Variants in R3HDM2 observed in about 807,000 individuals in gnomAD.
R3HDM2 encodes the protein R3H domain-containing protein 2.
A neutral mutation model predicts 124.5 loss-of-function variants in R3HDM2; 38 were observed. The ratio of observed to expected loss-of-function variants is 0.31; its 90% CI spans 0.24 to 0.40. The LOEUF is 0.40. Ranked by LOEUF, R3HDM2 falls within the 10% of genes least tolerant of loss-of-function variation. The pLI is 1.00. For synonymous variants in R3HDM2, 391 were observed against 448.0 expected, an observed-to-expected ratio of 0.87 and a Z score of 1.61; for missense variants, 869 against 1,236.9, an observed-to-expected ratio of 0.70 and a Z score of 4.46.
At chr12:57,305,243 A>G (rs2052309933) in intron 3 of R3HDM2, among the ~76,000 whole-genome samples, 1 of 152,150 alleles carries the variant, frequency 6.6e-6, no homozygotes, top group Non-Finnish European at 1.5e-5. Flanking sequence ...CTTGTTTTTA[A>G]ACTTTTTTTC....
At chr12:57,421,041 T>A (rs148859006) in intron 1 of R3HDM2, among the ~76,000 whole-genome samples, 1 of 152,036 alleles carries the variant, frequency 6.6e-6, no homozygotes, top group Admixed American at 6.6e-5. Context: ...CACCTTAGCA[T>A]GGAACCCAGA....
At chr12:57,286,772 G>C (rs1325767372) in intron 12 of R3HDM2, among the ~76,000 whole-genome samples, 1 of 152,220 alleles carries the variant, frequency 6.6e-6, no homozygotes, top group East Asian at 1.9e-4. Context: ...CAGCTACTCG[G>C]GAGGCTGAGG....
intron 2 of R3HDM2, among the ~76,000 whole-genome samples, chr12:57,346,933 T>C (rs2137115407): frequency 6.6e-6 from 1 of 152,134 alleles, no homozygotes; most frequent in South Asian, 2.1e-4. Context: ...AATGGTAAAA[T>C]ATCAATTCTA....
intron 2 of R3HDM2, among the ~76,000 whole-genome samples, chr12:57,320,846 G>A (rs2056335968): frequency 6.6e-6 from 1 of 152,116 alleles, no homozygotes. Flanking sequence ...AGAGACAGAA[G>A]AATAATTTCA....
intron 2 of R3HDM2, among the ~76,000 whole-genome samples, chr12:57,393,964 GAA>G (rs1481440061): frequency 6.6e-6 from 1 of 152,102 alleles, no homozygotes; most frequent in Non-Finnish European, 1.5e-5. Context: ...CAGATAAACA[GAA>G]AGACATAATT....
chr12:57,375,403 C>T (rs1379655641), intron 2 of R3HDM2, among the ~76,000 whole-genome samples: 1 of 152,120 alleles, frequency 6.6e-6, no homozygotes, highest in African/African-American at 2.4e-5. Context: ...AAACTGCAAA[C>T]CAACATATAA....
intron 19 of R3HDM2, among the ~76,000 whole-genome samples, chr12:57,259,381 T>C (rs2040071692): frequency 6.6e-6 from 1 of 152,198 alleles, no homozygotes; most frequent in Non-Finnish European, 1.5e-5. Flanking sequence ...CCAGGTCAGA[T>C]TGCTCAAATG....
chr12:57,389,847 G>A (rs959991125), intron 2 of R3HDM2, among the ~76,000 whole-genome samples: 2 of 152,192 alleles, frequency 1.3e-5, no homozygotes, highest in Admixed American at 6.5e-5. Context: ...TGCACAAGCT[G>A]TCACTAAAAT....
chr12:57,262,327 C>G (rs1156813684), intron 19 of R3HDM2, among the ~76,000 whole-genome samples: 1 of 152,184 alleles, frequency 6.6e-6, no homozygotes, highest in Non-Finnish European at 1.5e-5. Flanking sequence ...TCTGTCCATG[C>G]TGCTGTGTCA....
At chr12:57,275,491 C>A (rs944303260) in intron 14 of R3HDM2, among the ~76,000 whole-genome samples, 1 of 129,012 alleles carries the variant, frequency 7.8e-6, no homozygotes. Context: ...AACTAAAAAA[C>A]GTTTGCATGG....
At chr12:57,303,344 G>A in intron 3 of R3HDM2, 127 bp from the exon 4 acceptor site, 1 of 809,498 alleles carries the variant, frequency 1.2e-6, no homozygotes. Flanking sequence ...CTATGATGAG[G>A]ACCACTTGAT....
At chr12:57,429,233 A>G (rs975660810) in intron 1 of R3HDM2, among the ~76,000 whole-genome samples, 4 of 151,554 alleles carry the variant, frequency 2.6e-5, no homozygotes, top group Non-Finnish European at 5.9e-5. Context: ...CGAAAAAAAA[A>G]TTGTGAAGCT....
intron 12 of R3HDM2, among the ~76,000 whole-genome samples, chr12:57,286,129 T>C (rs1332958245): frequency 1.3e-5 from 2 of 152,290 alleles, no homozygotes; most frequent in East Asian, 1.9e-4. Context: ...TGTGTGTATG[T>C]TGGAGAGATG....
At chr12:57,364,813 C>T (rs1182064763) in intron 2 of R3HDM2, among the ~76,000 whole-genome samples, 1 of 151,348 alleles carries the variant, frequency 6.6e-6, no homozygotes, top group African/African-American at 2.4e-5. Flanking sequence ...ATTAGCCGGG[C>T]GTGGTGGCAG....
intron 1 of R3HDM2, among the ~76,000 whole-genome samples, chr12:57,424,773 T>C (rs1303904153): frequency 6.6e-6 from 1 of 152,112 alleles, no homozygotes; most frequent in African/African-American, 2.4e-5. Context: ...GGCACAATCA[T>C]AGCTCACTGC....
chr12:57,280,168 T>C (rs147980375), intron 14 of R3HDM2, among the ~76,000 whole-genome samples, 190 bp downstream of exon 14: 1 of 152,230 alleles, frequency 6.6e-6, no homozygotes, highest in East Asian at 1.9e-4. Flanking sequence ...GCTGACTCAG[T>C]AGTTATTTGG....
At chr12:57,274,539 C>T (rs962682923) in intron 14 of R3HDM2, among the ~76,000 whole-genome samples, 3 of 152,194 alleles carry the variant, frequency 2.0e-5, no homozygotes, top group African/African-American at 7.2e-5. Flanking sequence ...TAAGTTCTGA[C>T]TAAAGAGTAA....
chr12:57,299,394 C>T lies in R3HDM2; in HGVS notation c.379G>A (p.Asp127Asn), dbSNP rs988371266. Reference protein sequence around the residue: ...TKDVSEKEDKDKNKEKIPRKM... With the variant: ...TKDVSEKEDKNKNKEKIPRKM... ...CTTGGGATCTTTTCTTTGTTTTTGT[C>T]CTTGTCTTCCTTTTCAGAGACATCT... is the stretch of plus-strand genomic sequence containing the variant. Residue 127 changes from aspartate to asparagine, a missense_variant, in exon 6 of 24, where the codon GAC (aspartate) becomes AAC (asparagine). Physicochemically the swap from Asp to Asn is conservative, Grantham distance 23 (BLOSUM62 1). Transcript: ENST00000402412. 4 of 1,548,498 alleles carry T rather than the reference C, an allele frequency of 2.6e-6. No homozygotes were observed. The African/African-American group carries it at 4.1e-5, about 16-fold the overall frequency.
chr12:57,421,971 C>T (rs1444082132), intron 1 of R3HDM2, among the ~76,000 whole-genome samples: 1 of 151,854 alleles, frequency 6.6e-6, no homozygotes, highest in Admixed American at 6.6e-5. Context: ...TGGCGTGCAC[C>T]TGTAATCCCA....
Sources: allele counts gnomAD v4.1 joint callset (sites outside exome capture counted in the v4.1 genomes callset), GRCh38; gene constraint gnomAD v4.1.1; transcripts MANE v1.5; gene names NCBI Gene and HGNC (gene_info 2026-07-23, HGNC 2026-07-21).